The following ZBTB20 variants were observed in gnomAD, a reference collection of about 807,000 sequenced individuals.
ZBTB20 encodes zinc finger and BTB domain containing 20.
A neutral mutation model predicts 56.9 loss-of-function variants in ZBTB20; 9 were observed. The ratio of observed to expected loss-of-function variants is 0.16; its 90% CI spans 0.10 to 0.28. ZBTB20 has a LOEUF of 0.28. ZBTB20 is among the 10% of genes least tolerant of loss of function. The probability of loss-of-function intolerance (pLI) is 1.00; values close to 1 mark genes in which losing one functional copy is unlikely to be tolerated. For missense variants in ZBTB20, 655 were observed against 1,003.0 expected, an observed-to-expected ratio of 0.65 and a Z score of 4.69; for synonymous variants, 417 against 420.7, an observed-to-expected ratio of 0.99 and a Z score of 0.11.
chr3:114,632,887 G>A (rs1376150886), intron 6 of ZBTB20, among the ~76,000 whole-genome samples: 1 of 152,158 alleles, frequency 6.6e-6, no homozygotes, highest in Non-Finnish European at 1.5e-5. Flanking sequence ...AAGTGGAGGA[G>A]ACTACCTTTC....
chr3:114,894,334 T>C (rs2074775673), intron 4 of ZBTB20, among the ~76,000 whole-genome samples: 2 of 152,204 alleles, frequency 1.3e-5, no homozygotes, highest in African/African-American at 4.8e-5. Flanking sequence ...TACATGCATA[T>C]ATATACATAT....
chr3:114,725,195 C>T (rs1333042301), intron 5 of ZBTB20, among the ~76,000 whole-genome samples: 1 of 152,188 alleles, frequency 6.6e-6, no homozygotes, highest in Non-Finnish European at 1.5e-5. Context: ...GAGTTTAAAC[C>T]ATGTGCAAAT....
At chr3:114,843,893 G>A (rs1287012844) in intron 4 of ZBTB20, among the ~76,000 whole-genome samples, 1 of 150,780 alleles carries the variant, frequency 6.6e-6, no homozygotes, top group Non-Finnish European at 1.5e-5. Flanking sequence ...CACCGTGTTA[G>A]CCAGGCTGGT....
At chr3:115,133,536 T>C (rs1424287187) in intron 1 of ZBTB20, among the ~76,000 whole-genome samples, 1 of 152,152 alleles carries the variant, frequency 6.6e-6, no homozygotes, top group African/African-American at 2.4e-5. Flanking sequence ...CACTCCCCAT[T>C]TTTCCTTCTC....
At chr3:114,597,244 G>A (rs2056395063) in intron 6 of ZBTB20, among the ~76,000 whole-genome samples, 1 of 152,090 alleles carries the variant, frequency 6.6e-6, no homozygotes, top group African/African-American at 2.4e-5. Flanking sequence ...CGATATTAAG[G>A]GATGCCTTCT....
intron 5 of ZBTB20, among the ~76,000 whole-genome samples, chr3:114,779,416 A>C (rs2069886893): frequency 6.6e-6 from 1 of 152,166 alleles, no homozygotes; most frequent in Non-Finnish European, 1.5e-5. Context: ...ATCTTCTCTT[A>C]GTTCTATCAC....
At chr3:114,612,734 G>A (rs1010135791) in intron 6 of ZBTB20, among the ~76,000 whole-genome samples, 4 of 152,096 alleles carry the variant, frequency 2.6e-5, no homozygotes, top group African/African-American at 9.7e-5. Context: ...CTAGCCTAGG[G>A]ATAGGGTAGG....
At chr3:114,354,587 G>GTTTTTTTTTT (rs10663657) in intron 10 of ZBTB20, among the ~76,000 whole-genome samples, 2 of 130,132 alleles carry the variant, frequency 1.5e-5, no homozygotes, top group East Asian at 2.2e-4. Flanking sequence ...TGTTTTGTTT[G>GTTTTTTTTTT]TTTTTTTTTT....
chr3:114,515,688 C>T (rs1430519469), intron 6 of ZBTB20, among the ~76,000 whole-genome samples: 1 of 152,136 alleles, frequency 6.6e-6, no homozygotes, highest in African/African-American at 2.4e-5. Context: ...ATCACTCCAC[C>T]TTTGCCACCA....
chr3:114,354,251 A>T (rs1317572665), intron 10 of ZBTB20, among the ~76,000 whole-genome samples: 1 of 152,148 alleles, frequency 6.6e-6, no homozygotes, highest in Non-Finnish European at 1.5e-5. Flanking sequence ...GGTCTCTTTC[A>T]TTTAAGTAAA....
At position 114,322,755 on chromosome 3, in the gene ZBTB20, T is replaced by C. The variant is rs1381402233; in HGVS notation, c.*16250A>G. 1 of 152,220 alleles carries C rather than the reference T, an allele frequency of 6.6e-6. No homozygotes were observed. Among genetic ancestry groups the C allele is most frequent in the East Asian group, 1.9e-4 (1 of 5,206 alleles). The allele number at this position is 152,220 out of a possible 1,614,324, so 9.4% of individuals were successfully genotyped here. ...TGCTTAAGGAATTTCTTATGCTAGT[T>C]TGGATGGCTCTAAATGGAGTTTTTC... is the stretch of plus-strand genomic sequence containing the variant. On this transcript the variant is annotated 3_prime_UTR_variant, in exon 12 of 12. Transcript: ENST00000675478.
chr3:115,121,451 C>G (rs961491510), intron 1 of ZBTB20, among the ~76,000 whole-genome samples: 5 of 151,334 alleles, frequency 3.3e-5, no homozygotes, highest in African/African-American at 1.2e-4. Context: ...ATCTGTTATT[C>G]ATTGATACTC....
chr3:114,465,623 C>T (rs1420045529), intron 7 of ZBTB20, among the ~76,000 whole-genome samples: 3 of 151,896 alleles, frequency 2.0e-5, no homozygotes, highest in African/African-American at 7.3e-5. Flanking sequence ...AGGAGAATCG[C>T]TTGAACCCAG....
chr3:114,759,298 C>G (rs1222426116), intron 5 of ZBTB20: 1 of 152,076 alleles, frequency 6.6e-6, no homozygotes, highest in Non-Finnish European at 1.5e-5. Flanking sequence ...GATAAAACTA[C>G]AGTGGAAAGG....
intron 2 of ZBTB20, among the ~76,000 whole-genome samples, chr3:115,039,748 T>C (rs1408686540): frequency 6.6e-6 from 1 of 152,110 alleles, no homozygotes; most frequent in Admixed American, 6.5e-5. Context: ...GGACATTGCT[T>C]TTCAAAAGTT....
At chr3:114,663,341 G>C (rs2060850863) in intron 6 of ZBTB20, among the ~76,000 whole-genome samples, 1 of 151,246 alleles carries the variant, frequency 6.6e-6, no homozygotes, top group Non-Finnish European at 1.5e-5. Flanking sequence ...CAAATGCTGA[G>C]AGATTTTGTC....
rs1420317300 is a variant in ZBTB20 at position 114,331,896 on chromosome 3, A to G, written c.*7109T>C. ...AGGGAAGCTCACACTGTGTGTGCAC[A>G]TGTATAAATAATGTATACTCATTTA... is the stretch of plus-strand genomic sequence containing the variant. On this transcript the variant is annotated 3_prime_UTR_variant, in exon 12 of 12. Transcript: ENST00000675478. 1 of 152,216 alleles carries G rather than the reference A, an allele frequency of 6.6e-6. No individual in the cohort carries two copies. Among genetic ancestry groups the G allele is most frequent in the East Asian group, 1.9e-4 (1 of 5,194 alleles). 9.4% of individuals were successfully genotyped at this position (152,216 alleles called of 1,614,324 possible).
chr3:114,354,360 A>G (rs755421173), intron 10 of ZBTB20, among the ~76,000 whole-genome samples: 3 of 152,238 alleles, frequency 2.0e-5, no homozygotes, highest in Non-Finnish European at 4.4e-5. Context: ...CTCTTTAAAC[A>G]TACATTTGCT....
intron 3 of ZBTB20, among the ~76,000 whole-genome samples, chr3:114,952,221 T>A (rs2077091787): frequency 6.6e-6 from 1 of 152,092 alleles, no homozygotes; most frequent in African/African-American, 2.4e-5. Context: ...AAGAGGTAAG[T>A]AAGATAGACT....
Sources: gnomAD v4.1 joint callset for allele counts (sites outside exome capture counted in the v4.1 genomes callset) on GRCh38, gnomAD v4.1.1 for gene constraint, MANE v1.5 for transcripts, NCBI Gene and HGNC (gene_info 2026-07-23, HGNC 2026-07-21) for gene names.